RBFOX1: variants seen among roughly 807,000 people sequenced by gnomAD.
RBFOX1 encodes the protein RNA binding protein fox-1 homolog 1.
RBFOX1 carries 8 observed loss-of-function variants against 57.7 expected under a neutral mutation model. The ratio of observed to expected loss-of-function variants is 0.14; its 90% CI spans 0.08 to 0.25. RBFOX1 has a LOEUF of 0.25. RBFOX1 is among the 10% of genes least tolerant of loss of function. RBFOX1 has a pLI of 1.00. For missense variants in RBFOX1, 611 were observed against 548.5 expected (o/e 1.11, Z -1.14); for synonymous variants, 326 against 222.4 (o/e 1.47, Z -4.15).
intron 4 of RBFOX1, among the ~76,000 whole-genome samples, chr16:7,071,284 A>C (rs927118510): frequency 6.6e-6 from 1 of 152,148 alleles, no homozygotes; most frequent in South Asian, 2.1e-4. Context: ...AGGGCTGTGC[A>C]TTCTGGTAGG....
chr16:5,553,534 C>G (rs1367774865), intron 2 of RBFOX1, among the ~76,000 whole-genome samples: 1 of 152,082 alleles, frequency 6.6e-6, no homozygotes, highest in East Asian at 1.9e-4. Flanking sequence ...CCAGGATGGT[C>G]TCAATCTCCT....
At chr16:6,383,337 C>T (rs554402693) in intron 2 of RBFOX1, among the ~76,000 whole-genome samples, 54 of 152,296 alleles carry the variant, frequency 3.5e-4, no homozygotes, top group Middle Eastern at 3.4e-3. Flanking sequence ...TGCAGGATGC[C>T]ATGTGATCTG....
chr16:6,474,441 T>A (rs1386695039), intron 2 of RBFOX1, among the ~76,000 whole-genome samples: 1 of 152,230 alleles, frequency 6.6e-6, no homozygotes, highest in Non-Finnish European at 1.5e-5. Flanking sequence ...TTTGCAATTG[T>A]GCAGAAGCTG....
chr16:6,857,731 TG>T (rs1251364463), intron 3 of RBFOX1, among the ~76,000 whole-genome samples: 1 of 152,110 alleles, frequency 6.6e-6, no homozygotes, highest in African/African-American at 2.4e-5. Context: ...TCCTGTAAAT[TG>T]GGAGAGGCAG....
At chr16:5,728,700 C>G (rs1156738822) in intron 3 of RBFOX1, among the ~76,000 whole-genome samples, 3 of 152,168 alleles carry the variant, frequency 2.0e-5, no homozygotes, top group Admixed American at 6.5e-5. Flanking sequence ...CGCCCCTCCC[C>G]TCTCCATGGC....
intron 2 of RBFOX1, among the ~76,000 whole-genome samples, chr16:6,328,637 A>G (rs2082652201): frequency 6.6e-6 from 1 of 152,196 alleles, no homozygotes. Context: ...ATGTATGCAA[A>G]GTAGGAAAGT....
At chr16:6,832,901 T>TG (rs1181144526) in intron 3 of RBFOX1, among the ~76,000 whole-genome samples, 2 of 152,222 alleles carry the variant, frequency 1.3e-5, no homozygotes, top group Admixed American at 1.3e-4. Context: ...GGCGAACTAG[T>TG]GTATCTGCAT....
At chr16:7,289,383 C>G (rs1395291506) in intron 4 of RBFOX1, among the ~76,000 whole-genome samples, 2 of 151,936 alleles carry the variant, frequency 1.3e-5, no homozygotes, top group Non-Finnish European at 2.9e-5. Flanking sequence ...GCCAGATTAT[C>G]ATTACCGATA....
chr16:5,323,873 G>A (rs1279531516), intron 1 of RBFOX1, among the ~76,000 whole-genome samples: 6 of 152,334 alleles, frequency 3.9e-5, no homozygotes, highest in South Asian at 2.1e-4. Context: ...GTTCAGCAGC[G>A]TTGTGATGGC....
At position 6,856,485 on chromosome 16, in the gene RBFOX1, G is replaced by A. The variant is rs1163206203; in HGVS notation, c.-15-195572G>A. Among the ~76,000 whole-genome samples the A allele has an allele frequency of 2.6e-5, 4 of 152,044 alleles. No homozygotes were observed. In the East Asian group the frequency reaches 7.7e-4, roughly 29 times the overall value. On this transcript the variant is annotated intron_variant, in intron 3 of 15. Transcript: ENST00000550418. ...TGACCTTTAAACCCAGGATATAAAG[G>A]TTATCATTGCCCTCTAGAAATATCA...
chr16:7,007,454 A>T (rs1274282649), intron 3 of RBFOX1, among the ~76,000 whole-genome samples: 1 of 152,128 alleles, frequency 6.6e-6, no homozygotes, highest in Non-Finnish European at 1.5e-5. Flanking sequence ...TTAGGTGCAT[A>T]CTTTTGATAA....
At chr16:5,418,753 C>CCT (rs2067230373) in intron 1 of RBFOX1, among the ~76,000 whole-genome samples, 1 of 152,158 alleles carries the variant, frequency 6.6e-6, no homozygotes, top group Admixed American at 6.5e-5. Context: ...TTCATCCCTC[C>CCT]CTCTCTCCTT....
intron 3 of RBFOX1, among the ~76,000 whole-genome samples, chr16:5,693,525 A>G (rs2050757843): frequency 6.6e-6 from 1 of 151,812 alleles, no homozygotes; most frequent in Admixed American, 6.6e-5. Flanking sequence ...AGGTTAAAAA[A>G]CTCATTATAT....
At chr16:5,433,505 A>T (rs1268949479) in intron 1 of RBFOX1, among the ~76,000 whole-genome samples, 3 of 152,222 alleles carry the variant, frequency 2.0e-5, no homozygotes, top group Non-Finnish European at 2.9e-5. Context: ...TGAGGAGGGC[A>T]GAAATGTTGA....
chr16:6,834,275 C>T (rs538241333), intron 3 of RBFOX1, among the ~76,000 whole-genome samples: 3 of 152,054 alleles, frequency 2.0e-5, no homozygotes, highest in South Asian at 2.1e-4. Flanking sequence ...GGGGTTTCAC[C>T]ACGTTGGCCA....
At chr16:6,889,382 C>A (rs548642626) in intron 3 of RBFOX1, among the ~76,000 whole-genome samples, 3 of 152,138 alleles carry the variant, frequency 2.0e-5, no homozygotes, top group Non-Finnish European at 4.4e-5. Flanking sequence ...TGCAGTAAGG[C>A]CAGTGATATC....
intron 2 of RBFOX1, among the ~76,000 whole-genome samples, chr16:6,609,070 C>T (rs867910739): frequency 6.6e-6 from 1 of 152,172 alleles, no homozygotes; most frequent in African/African-American, 2.4e-5. Context: ...TTACCTGGAG[C>T]CCATCTTGAT....
intron 3 of RBFOX1, among the ~76,000 whole-genome samples, chr16:7,015,017 C>G (rs1355290424): frequency 6.6e-6 from 1 of 152,176 alleles, no homozygotes; most frequent in Non-Finnish European, 1.5e-5. Flanking sequence ...AGCCACCGTG[C>G]TTAGCTTCTT....
intron 1 of RBFOX1, among the ~76,000 whole-genome samples, chr16:5,457,829 T>C (rs913387454): frequency 5.3e-5 from 8 of 152,210 alleles, no homozygotes; most frequent in Admixed American, 1.3e-4. Flanking sequence ...ATGAGCTCTG[T>C]GAGAGTAGGG....
Sources: allele counts gnomAD v4.1 joint callset (sites outside exome capture counted in the v4.1 genomes callset), GRCh38; gene constraint gnomAD v4.1.1; transcripts MANE v1.5; gene names NCBI Gene and HGNC (gene_info 2026-07-23, HGNC 2026-07-21).